NSMCE2: variants seen among roughly 807,000 people sequenced by gnomAD.
NSMCE2 encodes NSE2 SUMO ligase component of SMC5/6 complex.
NSMCE2 carries 24 observed loss-of-function variants against 23.8 expected under a neutral mutation model. The observed-to-expected ratio is 1.01, with a 90% CI of 0.73 to 1.42. The LOEUF is 1.42. Ranked by LOEUF, NSMCE2 falls within the 40% of genes most tolerant of loss-of-function variation. The pLI is 0.00. For missense variants in NSMCE2, 284 were observed against 296.5 expected (o/e 0.96, Z 0.31); for synonymous variants, 92 against 94.1 (o/e 0.98, Z 0.13).
chr8:125,100,783 A>G (rs1818150263), intron 1 of NSMCE2, among the ~76,000 whole-genome samples: 1 of 151,446 alleles, frequency 6.6e-6, no homozygotes, highest in African/African-American at 2.4e-5. Flanking sequence ...CTGGTCTTGA[A>G]CTCCTGACCT....
intron 5 of NSMCE2, among the ~76,000 whole-genome samples, chr8:125,228,041 T>C (rs1825175055): frequency 6.6e-6 from 1 of 152,226 alleles, no homozygotes; most frequent in South Asian, 2.1e-4. Context: ...GCAGTTGATA[T>C]TGTCAATTTT....
chr8:125,276,404 C>T (rs981812939), intron 5 of NSMCE2, among the ~76,000 whole-genome samples: 1 of 152,200 alleles, frequency 6.6e-6, no homozygotes, highest in Admixed American at 6.5e-5. Flanking sequence ...TTACTCCAGA[C>T]TAACTGGAGG....
chr8:125,317,689 CA>C (rs1829266125), intron 5 of NSMCE2, among the ~76,000 whole-genome samples: 1 of 152,124 alleles, frequency 6.6e-6, no homozygotes, highest in African/African-American at 2.4e-5. Context: ...TTCCAGGTTA[CA>C]GGGGAGAAAA....
chr8:125,126,109 G>A (rs1030266997), intron 3 of NSMCE2, among the ~76,000 whole-genome samples: 1 of 152,042 alleles, frequency 6.6e-6, no homozygotes, highest in African/African-American at 2.4e-5. Flanking sequence ...TCATCCAGGC[G>A]GGGTGACTCA....
intron 3 of NSMCE2, among the ~76,000 whole-genome samples, chr8:125,132,364 G>A (rs1398255023): frequency 1.3e-5 from 2 of 152,182 alleles, no homozygotes; most frequent in African/African-American, 4.8e-5. Context: ...GGGATTACAG[G>A]CATGAGCCTC....
At chr8:125,255,248 A>G (rs1293695848) in intron 5 of NSMCE2, among the ~76,000 whole-genome samples, 1 of 152,002 alleles carries the variant, frequency 6.6e-6, no homozygotes, top group Non-Finnish European at 1.5e-5. Context: ...ATCCATCCCC[A>G]CTGTGCCCTT....
intron 7 of NSMCE2, 58 bp downstream of exon 7, chr8:125,357,876 G>A (rs934709447): frequency 9.4e-6 from 11 of 1,172,368 alleles, no homozygotes; most frequent in Non-Finnish European, 1.4e-5. Flanking sequence ...CTCAGAGGTG[G>A]CGTGTTCACG....
intron 5 of NSMCE2, among the ~76,000 whole-genome samples, chr8:125,340,152 C>T (rs1371251853): frequency 2.0e-5 from 3 of 151,062 alleles, no homozygotes; most frequent in African/African-American, 7.3e-5. Context: ...GTAGCTGGGA[C>T]TACAGGCGCC....
chr8:125,307,565 A>G (rs368631455), intron 5 of NSMCE2, among the ~76,000 whole-genome samples: 6 of 152,204 alleles, frequency 3.9e-5, no homozygotes, highest in South Asian at 2.1e-4. Flanking sequence ...AAGCCACTGA[A>G]CATCACTCTC....
intron 5 of NSMCE2, among the ~76,000 whole-genome samples, chr8:125,252,427 G>C (rs537752177): frequency 6.6e-6 from 1 of 152,070 alleles, no homozygotes; most frequent in African/African-American, 2.4e-5. Context: ...CTCGGGAGGC[G>C]AGACAGGAGA....
At chr8:125,096,567 G>A (rs1817942530) in intron 1 of NSMCE2, among the ~76,000 whole-genome samples, 1 of 130,964 alleles carries the variant, frequency 7.6e-6, no homozygotes, top group Non-Finnish European at 1.6e-5. Flanking sequence ...GAAAATAACT[G>A]TCACTTTTTG....
chr8:125,324,381 T>C (rs1399457440), intron 5 of NSMCE2, among the ~76,000 whole-genome samples: 6 of 151,706 alleles, frequency 4.0e-5, no homozygotes, highest in Admixed American at 3.9e-4. Flanking sequence ...GCTTTATTTC[T>C]ATTAGTTCAA....
At chr8:125,101,196 A>G (rs528157067) in intron 1 of NSMCE2, among the ~76,000 whole-genome samples, 16 of 152,188 alleles carry the variant, frequency 1.1e-4, no homozygotes, top group Admixed American at 2.6e-4. Flanking sequence ...TAGGTACTCA[A>G]TACTTATGAG....
At chr8:125,242,393 G>C (rs1257917549) in intron 5 of NSMCE2, among the ~76,000 whole-genome samples, 1 of 151,936 alleles carries the variant, frequency 6.6e-6, no homozygotes, top group African/African-American at 2.4e-5. Context: ...TTACATATGA[G>C]ACACCACATG....
At chr8:125,339,049 A>G (rs1830151803) in intron 5 of NSMCE2, among the ~76,000 whole-genome samples, 1 of 152,196 alleles carries the variant, frequency 6.6e-6, no homozygotes, top group East Asian at 1.9e-4. Context: ...AAACTGTTCT[A>G]TGTTGGTAAT....
intron 4 of NSMCE2, among the ~76,000 whole-genome samples, chr8:125,179,025 G>A (rs1822646593): frequency 6.6e-6 from 1 of 152,152 alleles, no homozygotes; most frequent in Admixed American, 6.5e-5. Context: ...GACTTGCCCT[G>A]ATCTTGGACT....
chr8:125,246,369 A>G (rs1294952913), intron 5 of NSMCE2, among the ~76,000 whole-genome samples: 1 of 151,896 alleles, frequency 6.6e-6, no homozygotes, highest in East Asian at 1.9e-4. Flanking sequence ...TTTTTAGTAG[A>G]GACAGGGTTT....
At chr8:125,342,979 C>CT (rs1190531008) in intron 5 of NSMCE2, among the ~76,000 whole-genome samples, 1 of 151,364 alleles carries the variant, frequency 6.6e-6, no homozygotes, top group East Asian at 1.9e-4. Flanking sequence ...GTTCTCCTGA[C>CT]TTTTTTTTTA....
intron 3 of NSMCE2, among the ~76,000 whole-genome samples, chr8:125,149,908 A>G (rs1446467078): frequency 6.6e-6 from 1 of 151,908 alleles, no homozygotes; most frequent in Non-Finnish European, 1.5e-5. Context: ...CTCATTCTTA[A>G]AAAGTATTTG....
Sources: gnomAD v4.1 joint callset for allele counts (sites outside exome capture counted in the v4.1 genomes callset) on GRCh38, gnomAD v4.1.1 for gene constraint, MANE v1.5 for transcripts, NCBI Gene and HGNC (gene_info 2026-07-23, HGNC 2026-07-21) for gene names.